Variants in PLPP4 observed in about 807,000 individuals in gnomAD.
PLPP4 encodes the protein diacylglycerol pyrophosphate like 2.
In PLPP4, 20 loss-of-function variants were observed where a neutral mutation model predicts 32.2. That is an observed-to-expected ratio of 0.62 (90% confidence interval 0.44 to 0.90). The LOEUF (loss-of-function observed/expected upper bound fraction) is 0.90. Ranked by LOEUF, PLPP4 falls within the 40% of genes least tolerant of loss-of-function variation. PLPP4 has a pLI of 0.00. For missense variants in PLPP4, 257 were observed against 353.1 expected (o/e 0.73, Z 2.18); for synonymous variants, 127 against 133.0 (o/e 0.95, Z 0.31).
rs1849930770 is a variant in PLPP4 at position 120,589,623 on chromosome 10, C to G, written c.*121C>G. 1 of 736,548 alleles carries G rather than the reference C, an allele frequency of 1.4e-6. No homozygotes were observed. The highest frequency in any genetic ancestry group is 2.7e-5 in the East Asian group (1 of 36,664). 45.6% of individuals were successfully genotyped at this position (736,548 alleles called of 1,614,324 possible). On this transcript the variant is annotated 3_prime_UTR_variant, in exon 7 of 7. Coordinates refer to ENST00000398250, the MANE Select transcript of PLPP4 (RefSeq NM_001030059.3). ...TCAGTTGTTTCTCAAAGTCATCGTA[C>G]TTCTGCTTCTGTTTCACTGATGGTG...
chr10:120,585,402 G>A (rs1222842795), intron 6 of PLPP4, among the ~76,000 whole-genome samples: 1 of 152,218 alleles, frequency 6.6e-6, no homozygotes, highest in Non-Finnish European at 1.5e-5. Flanking sequence ...AGCCATGCCA[G>A]AGAGGTGAGA....
At chr10:120,473,034 A>G (rs540401247) in intron 1 of PLPP4, among the ~76,000 whole-genome samples, 103 of 152,302 alleles carry the variant, frequency 6.8e-4, no homozygotes, top group African/African-American at 2.3e-3. Flanking sequence ...TAACATATTC[A>G]TAATGGAAAA....
chr10:120,474,853 A>G (rs1003313652), intron 1 of PLPP4, among the ~76,000 whole-genome samples: 2 of 152,240 alleles, frequency 1.3e-5, no homozygotes, highest in African/African-American at 2.4e-5. Context: ...AAACAACTCT[A>G]TAAGGTAGGA....
intron 6 of PLPP4, among the ~76,000 whole-genome samples, chr10:120,587,069 G>A (rs1849798621): frequency 6.6e-6 from 1 of 152,168 alleles, no homozygotes; most frequent in African/African-American, 2.4e-5. Context: ...ATGAGGAGAA[G>A]GGATTCCTGG....
At chr10:120,527,331 C>T (rs1008899147) in intron 5 of PLPP4, among the ~76,000 whole-genome samples, 15 of 152,156 alleles carry the variant, frequency 9.9e-5, no homozygotes, top group East Asian at 3.9e-4. Flanking sequence ...AGGATTTCTA[C>T]GCTGCAGTCT....
At chr10:120,543,475 G>T (rs565285135) in intron 5 of PLPP4, among the ~76,000 whole-genome samples, 2 of 152,114 alleles carry the variant, frequency 1.3e-5, no homozygotes, top group Non-Finnish European at 2.9e-5. Flanking sequence ...ATCAAGTCCA[G>T]ATTGGCAGAT....
At position 120,467,836 on chromosome 10, in the gene PLPP4, A is replaced by G. The variant is rs1440259233; in HGVS notation, c.56+10475A>G. On this transcript the variant is annotated intron_variant, in intron 1 of 6. Coordinates refer to ENST00000398250, the MANE Select transcript of PLPP4 (RefSeq NM_001030059.3). ...TGTTGTACTGATTATTTTGTCACCC[A>G]GGTATCAAGACTAGTACCTGTTAGT... Among the ~76,000 whole-genome samples the G allele has an allele frequency of 4.6e-5, 3 of 64,574 alleles. 1 individual carries two copies. Among genetic ancestry groups the G allele is most frequent in the African/African-American group, 9.9e-5 (3 of 30,226 alleles). The allele number at this position is 64,574 out of a possible 152,430, so 42.4% of individuals were successfully genotyped here.
chr10:120,500,405 C>T (rs546242621), intron 1 of PLPP4, among the ~76,000 whole-genome samples: 2 of 152,270 alleles, frequency 1.3e-5, no homozygotes, highest in East Asian at 3.9e-4. Flanking sequence ...TCAGAGGTGG[C>T]TGCAGCCATA....
chr10:120,524,368 A>C (rs545605807), intron 5 of PLPP4, among the ~76,000 whole-genome samples: 57 of 152,206 alleles, frequency 3.7e-4, no homozygotes, highest in African/African-American at 1.3e-3. Context: ...TTTTCCTTAA[A>C]AAATCAATTT....
Position 120,460,124 on chromosome 10 carries a change from C to A in PLPP4, c.56+2763C>A, listed in dbSNP as rs59664629. ...GTAGAGTAATGCAAATCAAGGCTGGCATATAAAGTTTAACATAACAGAAGA... is the reference window on the plus strand; with the variant it reads ...GTAGAGTAATGCAAATCAAGGCTGGAATATAAAGTTTAACATAACAGAAGA... On this transcript the variant is annotated intron_variant, in intron 1 of 6. Coordinates refer to ENST00000398250, the MANE Select transcript of PLPP4 (RefSeq NM_001030059.3). Among the ~76,000 whole-genome samples, 1,221 of 152,264 alleles carry A rather than the reference C, an allele frequency of 8.0e-3. 25 individuals carry two copies. The highest frequency in any genetic ancestry group is 0.028 in the African/African-American group (1,150 of 41,550).
At chr10:120,470,903 T>C (rs1848492785) in intron 1 of PLPP4, among the ~76,000 whole-genome samples, 1 of 152,208 alleles carries the variant, frequency 6.6e-6, no homozygotes. Context: ...TTGCTTCATG[T>C]CTCTGTGCTT....
intron 5 of PLPP4, among the ~76,000 whole-genome samples, chr10:120,566,421 A>G (rs1269585916): frequency 6.6e-6 from 1 of 152,178 alleles, no homozygotes; most frequent in East Asian, 1.9e-4. Context: ...CATGAATTGG[A>G]TAGCAAAAAC....
At chr10:120,501,885 G>T (rs986708173) in intron 1 of PLPP4, among the ~76,000 whole-genome samples, 1 of 152,200 alleles carries the variant, frequency 6.6e-6, no homozygotes, top group Non-Finnish European at 1.5e-5. Flanking sequence ...CTCCCCCATT[G>T]CAGAGGCCCT....
intron 5 of PLPP4, among the ~76,000 whole-genome samples, chr10:120,552,339 A>G (rs1847949675): frequency 1.3e-5 from 2 of 152,196 alleles, no homozygotes; most frequent in South Asian, 4.1e-4. Flanking sequence ...GGCTGCCTAT[A>G]GTGAGATGAC....
chr10:120,569,145 A>G (rs1848817294), intron 5 of PLPP4, among the ~76,000 whole-genome samples: 1 of 152,056 alleles, frequency 6.6e-6, no homozygotes, highest in South Asian at 2.1e-4. Context: ...AGGCTGAGGC[A>G]GGAGAATCAC....
intron 6 of PLPP4, 32 bp from the exon 7 acceptor site, chr10:120,589,271 C>G: frequency 6.2e-7 from 1 of 1,601,344 alleles, no homozygotes; most frequent in Non-Finnish European, 8.6e-7. Flanking sequence ...AAATGGTAAC[C>G]CATTTTTCCT....
At chr10:120,499,943 T>C (rs1350623878) in intron 1 of PLPP4, among the ~76,000 whole-genome samples, 1 of 152,144 alleles carries the variant, frequency 6.6e-6, no homozygotes, top group Non-Finnish European at 1.5e-5. Context: ...GACTTTCCAT[T>C]CCACTATGTG....
intron 5 of PLPP4, among the ~76,000 whole-genome samples, chr10:120,555,907 A>G (rs1043141299): frequency 2.0e-5 from 3 of 152,186 alleles, no homozygotes; most frequent in African/African-American, 7.2e-5. Flanking sequence ...CAAGAGAGTA[A>G]CTGGCTCTGT....
At chr10:120,518,955 G>A in intron 4 of PLPP4, 59 bp downstream of exon 4, 2 of 1,434,900 alleles carry the variant, frequency 1.4e-6, no homozygotes, top group Non-Finnish European at 1.9e-6. Context: ...TATATAGGAA[G>A]CTGGGCCAGA....
Sources: allele counts gnomAD v4.1 joint callset (sites outside exome capture counted in the v4.1 genomes callset), GRCh38; gene constraint gnomAD v4.1.1; transcripts MANE v1.5; gene names NCBI Gene and HGNC (gene_info 2026-07-23, HGNC 2026-07-21).